TRAPPC9: variants seen among roughly 807,000 people sequenced by gnomAD.
TRAPPC9 encodes trafficking protein particle complex subunit 9.
A neutral mutation model predicts 124.0 loss-of-function variants in TRAPPC9; 83 were observed. That is an observed-to-expected ratio of 0.67 (90% confidence interval 0.56 to 0.80). TRAPPC9 has a LOEUF of 0.80. TRAPPC9 is among the 30% of genes least tolerant of loss of function. The pLI is 0.00. For synonymous variants in TRAPPC9, 638 were observed against 617.5 expected (o/e 1.03, Z -0.49); for missense variants, 1,302 against 1,508.3 (o/e 0.86, Z 2.27).
chr8:139,835,891 G>A (rs1826307119), intron 21 of TRAPPC9, among the ~76,000 whole-genome samples: 1 of 152,220 alleles, frequency 6.6e-6, no homozygotes, highest in Admixed American at 6.5e-5. Flanking sequence ...GATGTGGCCT[G>A]AGCTTGCCAG....
At chr8:140,274,006 G>T (rs1254664215) in intron 15 of TRAPPC9, among the ~76,000 whole-genome samples, 1 of 152,110 alleles carries the variant, frequency 6.6e-6, no homozygotes, top group Non-Finnish European at 1.5e-5. Context: ...CTCCCCAGGG[G>T]ATGGGACCAC....
chr8:139,936,781 G>C (rs1159887869), intron 19 of TRAPPC9, among the ~76,000 whole-genome samples: 1 of 138,848 alleles, frequency 7.2e-6, no homozygotes, highest in African/African-American at 2.8e-5. Flanking sequence ...TATAAAGCAT[G>C]GAGAGAGTGG....
At chr8:139,980,315 A>G (rs1023435508) in intron 19 of TRAPPC9, among the ~76,000 whole-genome samples, 2 of 152,148 alleles carry the variant, frequency 1.3e-5, no homozygotes, top group African/African-American at 4.8e-5. Flanking sequence ...CTCCTGACCA[A>G]TGCCAGGAGA....
chr8:140,267,212 C>T (rs2064700728), intron 15 of TRAPPC9, among the ~76,000 whole-genome samples: 1 of 152,122 alleles, frequency 6.6e-6, no homozygotes, highest in Admixed American at 6.5e-5. Context: ...CTTGGTGCCT[C>T]CCAGGTGTCA....
chr8:140,054,553 T>C (rs1355160284), intron 17 of TRAPPC9, among the ~76,000 whole-genome samples: 1 of 151,768 alleles, frequency 6.6e-6, no homozygotes, highest in Non-Finnish European at 1.5e-5. Context: ...AAGACAATAA[T>C]AGATTAGAGC....
chr8:140,111,818 G>C (rs1165650598), intron 17 of TRAPPC9, among the ~76,000 whole-genome samples: 1 of 152,236 alleles, frequency 6.6e-6, no homozygotes, highest in East Asian at 1.9e-4. Flanking sequence ...TTAACATACA[G>C]AAAACAGTGG....
chr8:140,017,959 T>C (rs1453028398), intron 18 of TRAPPC9, among the ~76,000 whole-genome samples: 2 of 152,152 alleles, frequency 1.3e-5, no homozygotes, highest in Admixed American at 6.5e-5. Flanking sequence ...TTCTCCTGCC[T>C]CAGCCTCCCA....
At chr8:139,847,119 G>A (rs1412812854) in intron 21 of TRAPPC9, among the ~76,000 whole-genome samples, 1 of 152,232 alleles carries the variant, frequency 6.6e-6, no homozygotes, top group East Asian at 1.9e-4. Flanking sequence ...TGACAACAGG[G>A]AAGGAAGAAG....
At chr8:139,774,265 G>T (rs1381517252) in intron 21 of TRAPPC9, among the ~76,000 whole-genome samples, 1 of 152,198 alleles carries the variant, frequency 6.6e-6, no homozygotes, top group Non-Finnish European at 1.5e-5. Context: ...AGAGACTGTG[G>T]GTGGTGACAC....
At chr8:140,256,100 G>A (rs1222243921) in intron 15 of TRAPPC9, among the ~76,000 whole-genome samples, 1 of 152,200 alleles carries the variant, frequency 6.6e-6, no homozygotes, top group Non-Finnish European at 1.5e-5. Context: ...AGCTTTGGGG[G>A]CAAAGGGTAC....
At chr8:140,441,770 G>T (rs946561342) in intron 2 of TRAPPC9, among the ~76,000 whole-genome samples, 2 of 152,148 alleles carry the variant, frequency 1.3e-5, no homozygotes, top group African/African-American at 4.8e-5. Flanking sequence ...TCACCATGTT[G>T]CCCAGGCTGG....
At chr8:140,236,073 T>G (rs2063722589) in intron 16 of TRAPPC9, among the ~76,000 whole-genome samples, 1 of 147,204 alleles carries the variant, frequency 6.8e-6, no homozygotes, top group Non-Finnish European at 1.5e-5. Flanking sequence ...AAGTACACTG[T>G]ATTTCCTTTT....
chr8:140,251,856 G>A (rs771005002), intron 16 of TRAPPC9, among the ~76,000 whole-genome samples: 1 of 152,262 alleles, frequency 6.6e-6, no homozygotes, highest in South Asian at 2.1e-4. Context: ...AAATCACCAC[G>A]GCTGACAGTC....
At chr8:140,113,495 G>A (rs896620553) in intron 17 of TRAPPC9, among the ~76,000 whole-genome samples, 2 of 152,212 alleles carry the variant, frequency 1.3e-5, no homozygotes, top group African/African-American at 2.4e-5. Flanking sequence ...GTCAAGGATG[G>A]GGAGAGAGAC....
rs149306327 is a variant in TRAPPC9 at position 139,810,094 on chromosome 8, C to A, written c.3055+75785G>T. 1.4e-3 allele frequency among the ~76,000 whole-genome samples: 219 copies of A among 152,308 alleles called. 1 individual carries two copies. Among genetic ancestry groups the A allele is most frequent in the Non-Finnish European group, 2.6e-3 (174 of 68,026 alleles). ...TCACCCTGTTCCCTCCTGAAACCCA[C>A]AGAGAGACAGACAGTGCCAGAATAC... On this transcript the variant is annotated intron_variant, in intron 21 of 22. Coordinates refer to ENST00000438773, the MANE Select transcript of TRAPPC9 (RefSeq NM_001160372.4).
chr8:140,283,250 A>G (rs1040568895), intron 14 of TRAPPC9, among the ~76,000 whole-genome samples: 2 of 149,794 alleles, frequency 1.3e-5, no homozygotes, highest in African/African-American at 4.9e-5. Flanking sequence ...AAAATTAATT[A>G]ATTAATTAAA....
chr8:140,322,573 T>C (rs1046587466), intron 9 of TRAPPC9, among the ~76,000 whole-genome samples: 1 of 152,052 alleles, frequency 6.6e-6, no homozygotes, highest in Non-Finnish European at 1.5e-5. Context: ...CACACCTGTG[T>C]TCCCAGCACT....
At position 140,013,759 on chromosome 8, in the gene TRAPPC9, A is replaced by T. The variant is rs576073939; in HGVS notation, c.2699+10178T>A. ...AAATGACAACCACCAATTTTCAATT[A>T]TCTGCCTTGTGTCAGGCACTGTTAA... On this transcript the variant is annotated intron_variant, in intron 18 of 22. Coordinates refer to ENST00000438773, the MANE Select transcript of TRAPPC9 (RefSeq NM_001160372.4). Among the ~76,000 whole-genome samples the T allele has an allele frequency of 5.2e-5, 8 of 152,388 alleles. No homozygotes were observed. The South Asian group carries it at 8.3e-4, about 16-fold the overall frequency.
At chr8:139,914,183 G>A (rs1831944824) in intron 19 of TRAPPC9, 1 of 152,408 alleles carries the variant, frequency 6.6e-6, no homozygotes, top group African/African-American at 2.4e-5. Flanking sequence ...CACTCCTGTG[G>A]AGAGCAGAGC....
Sources: allele counts gnomAD v4.1 joint callset (sites outside exome capture counted in the v4.1 genomes callset), GRCh38; gene constraint gnomAD v4.1.1; transcripts MANE v1.5; gene names NCBI Gene and HGNC (gene_info 2026-07-23, HGNC 2026-07-21).